The following HS3ST4 variants were observed in gnomAD, a reference collection of about 807,000 sequenced individuals.
HS3ST4 encodes heparan sulfate-glucosamine 3-sulfotransferase 4, also known as heparan sulfate glucosamine 3-O-sulfotransferase 4.
Under a neutral mutation model 29.2 loss-of-function variants are expected in HS3ST4, and 17 were observed. The ratio of observed to expected loss-of-function variants is 0.58; its 90% confidence interval spans 0.40 to 0.87. The LOEUF is 0.87. Ranked by LOEUF, HS3ST4 falls within the 40% of genes least tolerant of loss-of-function variation. The pLI is 0.00. For missense variants in HS3ST4, 627 were observed against 634.5 expected, an observed-to-expected ratio of 0.99 and a Z score of 0.13; for synonymous variants, 314 against 285.7, an observed-to-expected ratio of 1.10 and a Z score of -1.00.
rs1272194443 is a variant in HS3ST4, at chr16:26,135,846, G to C, written c.969G>C (p.Leu323=). 1.9e-6 allele frequency: 3 copies of C among 1,613,902 alleles called. No homozygotes were observed. The highest frequency in any genetic ancestry group is 2.5e-6 in the Non-Finnish European group (3 of 1,179,898). Residue 323 remains leucine, a synonymous_variant, in exon 2 of 2, where the codon CTG becomes CTC. Coordinates refer to ENST00000331351, the MANE Select transcript of HS3ST4 (RefSeq NM_006040.3). The part of the protein sequence containing the change: ...VLAFKNRTLG[L]IDASWSAIRI... ...CCTTCAAAAACCGGACCCTCGGGCT[G>C]ATCGATGCTTCCTGGAGTGCCATTC...
At chr16:25,871,998 G>T (rs938645272) in intron 1 of HS3ST4, among the ~76,000 whole-genome samples, 1 of 152,160 alleles carries the variant, frequency 6.6e-6, no homozygotes, top group Non-Finnish European at 1.5e-5. Flanking sequence ...GGTCCAGTTT[G>T]CCCTAACCTA....
rs116786946 is a variant in HS3ST4, at chr16:25,929,795, T to C, written c.735-205817T>C. 8.1e-3 allele frequency among the ~76,000 whole-genome samples: 1,239 copies of C among 152,304 alleles called. 21 individuals carry two copies. The highest frequency in any genetic ancestry group is 0.027 in the African/African-American group (1,134 of 41,564). ...TTCTTTTTAAAAATATATTTCTTTATTTTATATTTTTAAACTTTTATTTTA... is the reference window on the plus strand; with the variant it reads ...TTCTTTTTAAAAATATATTTCTTTACTTTATATTTTTAAACTTTTATTTTA... On this transcript the variant is annotated intron_variant, in intron 1 of 1. Coordinates refer to ENST00000331351, the MANE Select transcript of HS3ST4 (RefSeq NM_006040.3).
At chr16:26,131,212 T>A (rs1412834207) in intron 1 of HS3ST4, among the ~76,000 whole-genome samples, 1 of 152,198 alleles carries the variant, frequency 6.6e-6, no homozygotes, top group Non-Finnish European at 1.5e-5. Flanking sequence ...CCTAAAATTG[T>A]CTCTTAGCAG....
intron 1 of HS3ST4, among the ~76,000 whole-genome samples, chr16:25,716,279 C>T (rs192055605): frequency 2.0e-5 from 3 of 152,284 alleles, no homozygotes; most frequent in African/African-American, 7.2e-5. Context: ...TCTTGTGTCT[C>T]CATTTTTCTT....
intron 1 of HS3ST4, among the ~76,000 whole-genome samples, chr16:25,926,988 G>A (rs952373208): frequency 1.3e-5 from 2 of 152,142 alleles, no homozygotes; most frequent in African/African-American, 4.8e-5. Flanking sequence ...CTTGAACCCG[G>A]GAGGTGGAGG....
rs115978608 is a variant in HS3ST4, at chr16:25,820,732, G to T, written c.734+127581G>T. On this transcript the variant is annotated intron_variant, in intron 1 of 1. Coordinates refer to ENST00000331351, the MANE Select transcript of HS3ST4 (RefSeq NM_006040.3). ...CTACAAGCAAGCACCACCAGACCTGGCTAATTTTTTAAATTTTTTGTAGAG... is the reference window on the plus strand; with the variant it reads ...CTACAAGCAAGCACCACCAGACCTGTCTAATTTTTTAAATTTTTTGTAGAG... Among the ~76,000 whole-genome samples the T allele has an allele frequency of 3.8e-3, 580 of 152,164 alleles. 1 individual carries two copies. The highest frequency in any genetic ancestry group is 0.013 in the African/African-American group (548 of 41,514).
chr16:26,051,165 A>T (rs758873499), intron 1 of HS3ST4, among the ~76,000 whole-genome samples: 7 of 152,150 alleles, frequency 4.6e-5, no homozygotes, highest in Non-Finnish European at 8.8e-5. Flanking sequence ...TCTCTAAGTC[A>T]GACTTGGTTC....
intron 1 of HS3ST4, among the ~76,000 whole-genome samples, chr16:25,806,857 G>A (rs779434003): frequency 7.2e-5 from 11 of 152,092 alleles, no homozygotes; most frequent in Non-Finnish European, 1.5e-4. Context: ...ATATGGGTGC[G>A]TGTGTGTGCA....
intron 1 of HS3ST4, among the ~76,000 whole-genome samples, chr16:25,777,627 G>C (rs571759183): frequency 6.6e-6 from 1 of 152,142 alleles, no homozygotes; most frequent in African/African-American, 2.4e-5. Flanking sequence ...AATTAGCCGG[G>C]CATGGTGCCA....
At chr16:25,971,059 C>T (rs540160189) in intron 1 of HS3ST4, among the ~76,000 whole-genome samples, 63 of 152,094 alleles carry the variant, frequency 4.1e-4, no homozygotes, top group African/African-American at 1.5e-3. Context: ...CCATGTTGGC[C>T]AGGCTGGTCT....
chr16:26,116,397 C>A (rs138504015), intron 1 of HS3ST4, among the ~76,000 whole-genome samples: 2 of 152,178 alleles, frequency 1.3e-5, no homozygotes, highest in African/African-American at 4.8e-5. Context: ...CCTGATCACA[C>A]CCGCATTCAA....
rs143764310 is a variant in HS3ST4, at chr16:26,091,656, AT to A, written c.735-43955del. ...TATATAGATATCATATCCTGGAGAG[AT>A]GCCAAAGTGAAGTTAGCAATGGAAC... On this transcript the variant is annotated intron_variant, in intron 1 of 1. Coordinates refer to ENST00000331351, the MANE Select transcript of HS3ST4 (RefSeq NM_006040.3). Among the ~76,000 whole-genome samples the A allele has an allele frequency of 3.9e-3, 589 of 152,288 alleles. 1 individual carries two copies. The highest frequency in any genetic ancestry group is 0.014 in the African/African-American group (569 of 41,560).
intron 1 of HS3ST4, among the ~76,000 whole-genome samples, chr16:25,785,474 G>A (rs554718953): frequency 9.2e-5 from 14 of 152,268 alleles, no homozygotes; most frequent in Admixed American, 7.8e-4. Context: ...CATTCAGAAA[G>A]AATTTCATTC....
chr16:26,070,742 T>C (rs4787344), intron 1 of HS3ST4, among the ~76,000 whole-genome samples: 25 of 152,354 alleles, frequency 1.6e-4, no homozygotes, highest in African/African-American at 6.0e-4. Flanking sequence ...AGCAACCTGA[T>C]ACTTTTGTTC....
At chr16:25,810,531 C>T (rs1967032804) in intron 1 of HS3ST4, among the ~76,000 whole-genome samples, 1 of 152,140 alleles carries the variant, frequency 6.6e-6, no homozygotes, top group African/African-American at 2.4e-5. Flanking sequence ...TAGTAGTTCT[C>T]TCATTTGCTG....
chr16:25,933,387 T>A (rs1968485063), intron 1 of HS3ST4: 2 of 516,974 alleles, frequency 3.9e-6, no homozygotes, highest in Non-Finnish European at 3.9e-6. Flanking sequence ...CAAACAGAGG[T>A]GTCTTGAACT....
chr16:25,918,432 A>G (rs1323198970), intron 1 of HS3ST4, among the ~76,000 whole-genome samples: 1 of 152,218 alleles, frequency 6.6e-6, no homozygotes, highest in African/African-American at 2.4e-5. Flanking sequence ...TTTACAGCCT[A>G]CCTGAGGGGA....
chr16:26,120,075 G>T (rs919259090), intron 1 of HS3ST4, among the ~76,000 whole-genome samples: 10 of 102,924 alleles, frequency 9.7e-5, no homozygotes, highest in Non-Finnish European at 1.9e-4. Flanking sequence ...GTGTGTATGT[G>T]TGTGTGTGTG....
At chr16:25,959,357 A>G (rs1010509292) in intron 1 of HS3ST4, among the ~76,000 whole-genome samples, 2 of 152,248 alleles carry the variant, frequency 1.3e-5, no homozygotes, top group Admixed American at 1.3e-4. Flanking sequence ...CAATGTCAGT[A>G]TCCAGTGCTA....
Sources: gnomAD v4.1 joint callset for allele counts (sites outside exome capture counted in the v4.1 genomes callset) on GRCh38, gnomAD v4.1.1 for gene constraint, MANE v1.5 for transcripts, NCBI Gene and HGNC (gene_info 2026-07-23, HGNC 2026-07-21) for gene names.